Variants in ADD3 observed in about 807,000 individuals in gnomAD.
ADD3 encodes the protein adducin 3, also known as gamma-adducin.
A neutral mutation model predicts 80.2 loss-of-function variants in ADD3; 25 were observed. That is an observed-to-expected ratio of 0.31 (90% confidence interval 0.23 to 0.44). The LOEUF (loss-of-function observed/expected upper bound fraction) is 0.44. Ranked by LOEUF, ADD3 falls within the 20% of genes least tolerant of loss-of-function variation. ADD3 has a pLI of 1.00. For synonymous variants in ADD3, 284 were observed against 289.6 expected, an observed-to-expected ratio of 0.98 and a Z score of 0.20; for missense variants, 829 against 847.5, an observed-to-expected ratio of 0.98 and a Z score of 0.27.
chr10:110,126,843 T>A (rs1852230664), intron 12 of ADD3, among the ~76,000 whole-genome samples: 1 of 152,242 alleles, frequency 6.6e-6, no homozygotes, highest in Non-Finnish European at 1.5e-5. Flanking sequence ...CTGCTCCTCG[T>A]CCTCCTTTGA....
At chr10:110,075,828 A>C (rs539481991) in intron 1 of ADD3, 3 of 152,332 alleles carry the variant, frequency 2.0e-5, no homozygotes, top group Admixed American at 2.0e-4. Context: ...CTATGAGAAG[A>C]GTATGTTGGA....
chr10:110,019,300 GA>G (rs1450395856), intron 1 of ADD3, among the ~76,000 whole-genome samples: 1 of 151,114 alleles, frequency 6.6e-6, no homozygotes, highest in Non-Finnish European at 1.5e-5. Context: ...CTTACTATTT[GA>G]AAAATTCTTA....
intron 1 of ADD3, among the ~76,000 whole-genome samples, chr10:110,063,686 AG>A (rs1186407462): frequency 1.4e-5 from 2 of 143,162 alleles, no homozygotes; most frequent in Non-Finnish European, 3.0e-5. Context: ...TATATAGAAA[AG>A]TACAGAAATC....
At chr10:110,025,999 T>C (rs368299534) in intron 1 of ADD3, among the ~76,000 whole-genome samples, 22 of 151,712 alleles carry the variant, frequency 1.5e-4, no homozygotes, top group African/African-American at 5.3e-4. Flanking sequence ...TGTCAGGATC[T>C]TTCTTGTTTT....
At chr10:110,010,994 G>A (rs1225668362) in intron 1 of ADD3, among the ~76,000 whole-genome samples, 2 of 152,170 alleles carry the variant, frequency 1.3e-5, no homozygotes, top group African/African-American at 4.8e-5. Flanking sequence ...ACATTGAAAG[G>A]GTATTCTCTT....
chr10:110,065,304 T>C (rs1174727941), intron 1 of ADD3, among the ~76,000 whole-genome samples: 2 of 152,066 alleles, frequency 1.3e-5, no homozygotes. Context: ...TTTTATTTAG[T>C]CTTCTTTTGA....
intron 1 of ADD3, among the ~76,000 whole-genome samples, chr10:110,062,912 A>G (rs759680263): frequency 2.0e-5 from 3 of 152,194 alleles, no homozygotes; most frequent in Non-Finnish European, 4.4e-5. Context: ...ATAGGGCAAG[A>G]TTGTGTAACC....
chr10:110,089,781 A>G (rs1290744783), intron 1 of ADD3, among the ~76,000 whole-genome samples: 1 of 152,022 alleles, frequency 6.6e-6, no homozygotes, highest in Non-Finnish European at 1.5e-5. Context: ...CAAATGGTTT[A>G]TGTTGGGAAC....
intron 1 of ADD3, among the ~76,000 whole-genome samples, chr10:110,064,972 C>G (rs772232646): frequency 1.3e-5 from 2 of 152,020 alleles, no homozygotes; most frequent in Admixed American, 6.6e-5. Flanking sequence ...GTGGGAGGAT[C>G]GCTTGAACCT....
intron 1 of ADD3, among the ~76,000 whole-genome samples, chr10:110,042,704 C>A (rs1267462180): frequency 7.9e-6 from 1 of 125,832 alleles, no homozygotes. Context: ...TTTTTTTTTC[C>A]ATCAGTTTTT....
intron 1 of ADD3, among the ~76,000 whole-genome samples, chr10:110,045,041 C>T (rs973329176): frequency 9.9e-5 from 15 of 152,064 alleles, no homozygotes; most frequent in African/African-American, 2.9e-4. Context: ...AATACTTTTC[C>T]GAAACACTGG....
intron 1 of ADD3, among the ~76,000 whole-genome samples, chr10:110,014,568 C>T (rs1852705347): frequency 6.6e-6 from 1 of 152,000 alleles, no homozygotes; most frequent in African/African-American, 2.4e-5. Flanking sequence ...TCTTGTTGCC[C>T]AGGCTGGAGT....
intron 9 of ADD3, among the ~76,000 whole-genome samples, chr10:110,123,274 TTGTA>T (rs1289335901): frequency 6.6e-6 from 1 of 152,206 alleles, no homozygotes; most frequent in Non-Finnish European, 1.5e-5. Flanking sequence ...TTATTTTTAA[TTGTA>T]TGAGGAACCT....
At chr10:110,088,454 A>G (rs1437184840) in intron 1 of ADD3, among the ~76,000 whole-genome samples, 3 of 152,346 alleles carry the variant, frequency 2.0e-5, no homozygotes, top group South Asian at 2.1e-4. Flanking sequence ...TTCAAGTACC[A>G]TTATCTGTGC....
At chr10:110,128,376 T>C (rs1284823175) in intron 12 of ADD3, among the ~76,000 whole-genome samples, 1 of 151,834 alleles carries the variant, frequency 6.6e-6, no homozygotes, top group Non-Finnish European at 1.5e-5. Flanking sequence ...TCTAACCCTT[T>C]TAATTTTTTA....
In ADD3 at chr10:110,117,439, C is replaced by T; in HGVS notation, c.567+17C>T. ...TCCAATTTGGTATAATTTTCCATTC[C>T]TGTGTTGCTTTTTCTGAGCTTTCTT... is the stretch of plus-strand genomic sequence containing the variant. On this transcript the variant is annotated intron_variant, in intron 5 of 14. Coordinates refer to ENST00000356080, the MANE Select transcript of ADD3 (RefSeq NM_016824.5). 1.3e-6 allele frequency: 2 copies of T among 1,499,950 alleles called. No homozygotes were observed. The highest frequency in any genetic ancestry group is 1.9e-6 in the Non-Finnish European group (2 of 1,077,252). 92.9% of individuals were successfully genotyped at this position (1,499,950 alleles called of 1,614,324 possible). A position where few individuals can be genotyped will look rare whatever the true frequency, so the allele number is the denominator to read the frequency against.
chr10:109,999,361 G>A (rs7921703), intron 1 of ADD3, among the ~76,000 whole-genome samples: 3 of 152,250 alleles, frequency 2.0e-5, no homozygotes, highest in African/African-American at 7.2e-5. Context: ...ACATGCATAC[G>A]CTTCCTCCTG....
At chr10:110,045,371 G>A (rs1451018069) in intron 1 of ADD3, among the ~76,000 whole-genome samples, 3 of 151,954 alleles carry the variant, frequency 2.0e-5, no homozygotes, top group Non-Finnish European at 4.4e-5. Context: ...AAAAGAGAAA[G>A]TACCTATGGT....
rs1851836190 is a variant in ADD3, at chr10:110,124,019, G to T, written c.1146G>T (p.Gly382=). ...EGLMRTLDNL[G]YRTGYAYRHP... ...AATGTGGCTTTTCCCTCCCTTAGGG[G>T]TATAGAACAGGCTATGCTTACAGGC... The change falls in exon 10 of 15, where the codon GGG becomes GGT. Residue 382 remains glycine (G), a splice_region_variant and synonymous_variant. Coordinates refer to ENST00000356080, the MANE Select transcript of ADD3 (RefSeq NM_016824.5). The T allele has an allele frequency of 6.2e-7, 1 of 1,613,962 alleles. No individual in the cohort carries two copies. Among genetic ancestry groups the T allele is most frequent in the East Asian group, 2.2e-5 (1 of 44,874 alleles).
Sources: gnomAD v4.1 joint callset for allele counts (sites outside exome capture counted in the v4.1 genomes callset) on GRCh38, gnomAD v4.1.1 for gene constraint, MANE v1.5 for transcripts, NCBI Gene and HGNC (gene_info 2026-07-23, HGNC 2026-07-21) for gene names.